SGCZ: variants seen among roughly 807,000 people sequenced by gnomAD.
SGCZ encodes the protein zeta-sarcoglycan.
A neutral mutation model predicts 41.3 loss-of-function variants in SGCZ; 40 were observed. The observed-to-expected ratio is 0.97, with a 90% CI of 0.75 to 1.26. SGCZ has a LOEUF of 1.26. SGCZ is among the 50% of genes most tolerant of loss of function. The pLI is 0.00. For synonymous variants in SGCZ, 206 were observed against 137.5 expected (o/e 1.50, Z -3.49); for missense variants, 552 against 369.8 (o/e 1.49, Z -4.04).
At chr8:14,158,273 T>C (rs1267858242) in intron 5 of SGCZ, among the ~76,000 whole-genome samples, 1 of 152,172 alleles carries the variant, frequency 6.6e-6, no homozygotes, top group East Asian at 1.9e-4. Context: ...ACTGTGAATA[T>C]ATTATTCTAC....
intron 1 of SGCZ, among the ~76,000 whole-genome samples, chr8:14,622,771 A>G (rs755464141): frequency 2.0e-5 from 3 of 152,210 alleles, no homozygotes; most frequent in Non-Finnish European, 4.4e-5. Flanking sequence ...AAGGGTGCCA[A>G]TAATAAATCA....
rs926448593 is a variant in SGCZ at position 14,459,919 on chromosome 8, A to T, written c.234+94813T>A. On this transcript the variant is annotated intron_variant, in intron 2 of 7. Coordinates refer to ENST00000382080, the MANE Select transcript of SGCZ (RefSeq NM_139167.4). ...CTAAAATGAGTCAAGCCATAAAAAGACAAGAAAAAACTGGAGATTATGCCA... is the reference window on the plus strand; with the variant it reads ...CTAAAATGAGTCAAGCCATAAAAAGTCAAGAAAAAACTGGAGATTATGCCA... Among the ~76,000 whole-genome samples the T allele has an allele frequency of 8.5e-5, 13 of 152,272 alleles. No homozygotes were observed. The Middle Eastern group carries it at 0.014, about 159-fold the overall frequency.
intron 2 of SGCZ, among the ~76,000 whole-genome samples, chr8:14,389,330 C>G (rs999299708): frequency 6.6e-6 from 1 of 151,298 alleles, no homozygotes; most frequent in African/African-American, 2.4e-5. Flanking sequence ...AAGAATTTTT[C>G]AGAAATAAAG....
chr8:14,965,638 T>C (rs1801106558), intron 1 of SGCZ, among the ~76,000 whole-genome samples: 1 of 152,162 alleles, frequency 6.6e-6, no homozygotes, highest in South Asian at 2.1e-4. Context: ...TTAATCAAGA[T>C]ATTAACATAG....
chr8:15,024,490 G>A (rs369638237), intron 1 of SGCZ, among the ~76,000 whole-genome samples: 1 of 152,070 alleles, frequency 6.6e-6, no homozygotes, highest in Admixed American at 6.6e-5. Context: ...TTATACTCTC[G>A]AAATTGAAGA....
At chr8:14,760,265 A>G (rs958352169) in intron 1 of SGCZ, among the ~76,000 whole-genome samples, 7 of 152,312 alleles carry the variant, frequency 4.6e-5, no homozygotes, top group Admixed American at 3.3e-4. Flanking sequence ...AACAACCACT[A>G]AGTAAATGAA....
intron 1 of SGCZ, among the ~76,000 whole-genome samples, chr8:15,099,235 A>T (rs995073209): frequency 6.6e-6 from 1 of 152,226 alleles, no homozygotes; most frequent in African/African-American, 2.4e-5. Flanking sequence ...ATAATAAGAC[A>T]TTGAACATAA....
At chr8:15,028,062 C>T (rs141843434) in intron 1 of SGCZ, among the ~76,000 whole-genome samples, 353 of 152,180 alleles carry the variant, frequency 2.3e-3, no homozygotes, top group African/African-American at 8.1e-3. Context: ...CACTGCCTTC[C>T]GCATTCACAC....
chr8:14,648,818 A>G (rs1418595403), intron 1 of SGCZ, among the ~76,000 whole-genome samples: 1 of 152,090 alleles, frequency 6.6e-6, no homozygotes, highest in Non-Finnish European at 1.5e-5. Context: ...ATTTCGAGTG[A>G]TTATATTTCT....
At chr8:14,803,135 G>A (rs141406643) in intron 1 of SGCZ, among the ~76,000 whole-genome samples, 1 of 152,268 alleles carries the variant, frequency 6.6e-6, no homozygotes, top group East Asian at 1.9e-4. Flanking sequence ...AAGGGGACTT[G>A]TATAACAAAT....
At chr8:14,853,434 C>T (rs1803415808) in intron 1 of SGCZ, 2 of 532,174 alleles carry the variant, frequency 3.8e-6, no homozygotes, top group Admixed American at 1.9e-5. Context: ...GGCTAGGACA[C>T]TTGCTCTTTC....
chr8:14,525,350 T>C (rs1245649268), intron 2 of SGCZ, among the ~76,000 whole-genome samples: 1 of 152,158 alleles, frequency 6.6e-6, no homozygotes, highest in African/African-American at 2.4e-5. Flanking sequence ...CTAAAAATAA[T>C]GTTTTGTTCT....
chr8:14,345,019 C>T (rs1440011880), intron 2 of SGCZ, among the ~76,000 whole-genome samples: 1 of 151,952 alleles, frequency 6.6e-6, no homozygotes, highest in African/African-American at 2.4e-5. Flanking sequence ...CAAGTAAATG[C>T]AAATGTACGT....
intron 1 of SGCZ, among the ~76,000 whole-genome samples, chr8:14,792,230 A>T (rs1800978835): frequency 6.6e-6 from 1 of 152,260 alleles, no homozygotes; most frequent in Non-Finnish European, 1.5e-5. Flanking sequence ...TACGGTTATA[A>T]CATATGTGAT....
Position 15,237,577 on chromosome 8 carries a change from G to T in SGCZ, c.39+8C>A. ...GCGGCCGCGAAGCCCGCCCGGACCC[G>T]CACGTACCTTGAGCTCCTCAATGTC... is the stretch of plus-strand genomic sequence containing the variant. On this transcript the variant is annotated splice_region_variant and intron_variant, in intron 1 of 7. Coordinates refer to ENST00000382080, the MANE Select transcript of SGCZ (RefSeq NM_139167.4). 6.3e-7 allele frequency: 1 copy of T among 1,587,732 alleles called. No individual in the cohort carries two copies. Among genetic ancestry groups the T allele is most frequent in the East Asian group, 2.3e-5 (1 of 43,966 alleles).
chr8:14,310,400 A>C (rs1018802931), intron 3 of SGCZ, among the ~76,000 whole-genome samples: 3 of 152,186 alleles, frequency 2.0e-5, no homozygotes, highest in African/African-American at 7.2e-5. Context: ...CACTCAAATC[A>C]GTGATCTATG....
At chr8:14,951,453 A>G (rs1800635362) in intron 1 of SGCZ, among the ~76,000 whole-genome samples, 1 of 152,070 alleles carries the variant, frequency 6.6e-6, no homozygotes, top group African/African-American at 2.4e-5. Flanking sequence ...ATAATAACTT[A>G]TTCTTAAATA....
intron 1 of SGCZ, among the ~76,000 whole-genome samples, chr8:14,665,697 G>A (rs557502020): frequency 6.6e-6 from 1 of 152,116 alleles, no homozygotes; most frequent in South Asian, 2.1e-4. Context: ...CATTCATCAT[G>A]TTTATAGAAT....
At chr8:14,587,326 G>A (rs912884333) in intron 1 of SGCZ, among the ~76,000 whole-genome samples, 3 of 150,890 alleles carry the variant, frequency 2.0e-5, no homozygotes, top group East Asian at 2.0e-4. Context: ...TGTAAAATGC[G>A]TTCCACGAAT....
Sources: allele counts gnomAD v4.1 joint callset (sites outside exome capture counted in the v4.1 genomes callset), GRCh38; gene constraint gnomAD v4.1.1; transcripts MANE v1.5; gene names NCBI Gene and HGNC (gene_info 2026-07-23, HGNC 2026-07-21).